Variants in SAMSN1 observed in about 807,000 individuals in gnomAD.
The protein encoded by SAMSN1 is SAM domain-containing protein SAMSN-1.
SAMSN1 carries 31 observed loss-of-function variants against 42.0 expected under a neutral mutation model. The observed-to-expected ratio is 0.74, with a 90% CI of 0.55 to 1.00. The LOEUF (loss-of-function observed/expected upper bound fraction) is 1.00, where lower values mean the gene tolerates loss of function less well. Ranked by LOEUF, SAMSN1 falls within the 50% of genes least tolerant of loss-of-function variation. The probability of loss-of-function intolerance (pLI) is 0.00; values close to 1 mark genes in which losing one functional copy is unlikely to be tolerated. For synonymous variants in SAMSN1, 178 were observed against 151.9 expected, an observed-to-expected ratio of 1.17 and a Z score of -1.26; for missense variants, 464 against 439.4, an observed-to-expected ratio of 1.06 and a Z score of -0.50.
chr21:14,566,322 A>T (rs1981115130), intron 2 of SAMSN1, among the ~76,000 whole-genome samples: 1 of 152,166 alleles, frequency 6.6e-6, no homozygotes, highest in African/African-American at 2.4e-5. Flanking sequence ...TTTTAACATA[A>T]GTATTTCAAA....
intron 2 of SAMSN1, among the ~76,000 whole-genome samples, chr21:14,564,202 C>G (rs973351745): frequency 1.3e-5 from 2 of 152,090 alleles, no homozygotes; most frequent in Non-Finnish European, 2.9e-5. Flanking sequence ...TACATACTGA[C>G]TTGAAGAAGG....
chr21:14,511,499 A>C (rs1987687489), intron 4 of SAMSN1, among the ~76,000 whole-genome samples: 1 of 152,236 alleles, frequency 6.6e-6, no homozygotes, highest in African/African-American at 2.4e-5. Context: ...TTTCTGTGTT[A>C]GCTTTTGTCA....
At chr21:14,627,307 G>A (rs2123355294) in intron 2 of SAMSN1, among the ~76,000 whole-genome samples, 1 of 151,554 alleles carries the variant, frequency 6.6e-6, no homozygotes, top group East Asian at 1.9e-4. Context: ...CACCAGGAGA[G>A]CTTGATAAGA....
chr21:14,592,497 G>A (rs140447750), intron 7 of SAMSN1: 1 of 179,644 alleles, frequency 5.6e-6, no homozygotes, highest in African/African-American at 2.4e-5. Flanking sequence ...GAACTTGAGT[G>A]AGCCACTTCT....
At chr21:14,628,376 T>C (rs1337860588) in intron 2 of SAMSN1, among the ~76,000 whole-genome samples, 4 of 152,078 alleles carry the variant, frequency 2.6e-5, no homozygotes, top group Non-Finnish European at 5.9e-5. Flanking sequence ...GAAATACCAC[T>C]GTATACTCCC....
At chr21:14,517,766 CTCTA>C (rs1449752963) in intron 2 of SAMSN1, among the ~76,000 whole-genome samples, 2 of 152,080 alleles carry the variant, frequency 1.3e-5, no homozygotes, top group Non-Finnish European at 2.9e-5. Context: ...AGCCACAAGA[CTCTA>C]TATGTCATAA....
chr21:14,564,444 C>A (rs541169695), intron 2 of SAMSN1, among the ~76,000 whole-genome samples: 24 of 152,154 alleles, frequency 1.6e-4, no homozygotes, highest in African/African-American at 5.8e-4. Context: ...TTATTGTCTC[C>A]TGTGTTGCAA....
At chr21:14,514,159 C>G (rs1280316756) in intron 3 of SAMSN1, among the ~76,000 whole-genome samples, 5 of 152,156 alleles carry the variant, frequency 3.3e-5, no homozygotes, top group African/African-American at 1.2e-4. Context: ...TCAATCTGAC[C>G]AAAGCTTTCT....
At chr21:14,610,339 T>A (rs1982671706) in intron 4 of SAMSN1, among the ~76,000 whole-genome samples, 1 of 152,182 alleles carries the variant, frequency 6.6e-6, no homozygotes, top group Non-Finnish European at 1.5e-5. Flanking sequence ...CCTAGTCTCC[T>A]GCAGTGCCCC....
intron 1 of SAMSN1, among the ~76,000 whole-genome samples, chr21:14,540,698 G>T (rs992288281): frequency 2.0e-5 from 3 of 152,226 alleles, no homozygotes; most frequent in African/African-American, 7.2e-5. Context: ...CTGTAAACTA[G>T]TTCAACCATT....
At chr21:14,544,532 C>G (rs1980262004) in intron 1 of SAMSN1, among the ~76,000 whole-genome samples, 1 of 152,206 alleles carries the variant, frequency 6.6e-6, no homozygotes, top group African/African-American at 2.4e-5. Context: ...ATTCACATCT[C>G]TTTAAATTCA....
intron 1 of SAMSN1, among the ~76,000 whole-genome samples, chr21:14,530,156 A>C (rs181745671): frequency 4.9e-4 from 75 of 152,096 alleles, no homozygotes; most frequent in African/African-American, 1.8e-3. Flanking sequence ...CCCTACTAAA[A>C]ATACAAAAAA....
intron 1 of SAMSN1, among the ~76,000 whole-genome samples, chr21:14,535,998 C>G (rs144138030): frequency 1.5e-3 from 221 of 152,302 alleles, no homozygotes; most frequent in African/African-American, 5.1e-3. Flanking sequence ...TCTATCTATG[C>G]AAGAATCACT....
chr21:14,634,015 G>T (rs1983399477), intron 2 of SAMSN1, among the ~76,000 whole-genome samples: 1 of 152,002 alleles, frequency 6.6e-6, no homozygotes, highest in Non-Finnish European at 1.5e-5. Flanking sequence ...ATGAGTAAGT[G>T]TATAAAAAAT....
intron 1 of SAMSN1, among the ~76,000 whole-genome samples, chr21:14,526,269 G>A (rs1978850184): frequency 6.6e-6 from 1 of 152,178 alleles, no homozygotes; most frequent in Admixed American, 6.5e-5. Context: ...AAATAAACTT[G>A]CGTTTCCTAA....
intron 1 of SAMSN1, among the ~76,000 whole-genome samples, chr21:14,647,301 T>G (rs938950478): frequency 5.9e-5 from 9 of 151,910 alleles, no homozygotes; most frequent in African/African-American, 1.9e-4. Context: ...GTTGTAGATA[T>G]GCGACATTAT....
At chr21:14,599,392 G>C (rs1254364559) in intron 6 of SAMSN1, among the ~76,000 whole-genome samples, 1 of 152,148 alleles carries the variant, frequency 6.6e-6, no homozygotes, top group African/African-American at 2.4e-5. Flanking sequence ...TGAAGAAGGT[G>C]CCTGCTTCTC....
In SAMSN1 at chr21:14,546,270, C is replaced by G. The variant is rs1338412270; in HGVS notation, c.-9G>C. The G allele has an allele frequency of 1.3e-5, 21 of 1,613,332 alleles. No individual in the cohort carries two copies. The highest frequency in any genetic ancestry group is 1.8e-5 in the Non-Finnish European group (21 of 1,179,682). ...GGCTTTCTCTTGAGCATTTTGAATT[C>G]TGACTACTCCTAGTGAGTGCACTTT... On this transcript the variant is annotated 5_prime_UTR_variant, in exon 1 of 8. Coordinates refer to ENST00000400566, the MANE Select transcript of SAMSN1 (RefSeq NM_022136.5).
In SAMSN1 at chr21:14,607,769, G is replaced by C. The variant is rs566601685; in HGVS notation, c.322+1713C>G. 2.0e-5 allele frequency among the ~76,000 whole-genome samples: 3 copies of C among 152,182 alleles called. No homozygotes were observed. The South Asian group carries it at 6.2e-4, about 32-fold the overall frequency. On this transcript the variant is annotated intron_variant, in intron 5 of 15. Coordinates refer to the SAMSN1 transcript ENST00000647101. The stretch of plus-strand genomic sequence containing the variant: ...AAAACAAAAACATACATAAGAGAAA[G>C]GTAGTTTTAGGAAATAGAATGCTTG...
Sources: gnomAD v4.1 joint callset for allele counts (sites outside exome capture counted in the v4.1 genomes callset) on GRCh38, gnomAD v4.1.1 for gene constraint, MANE v1.5 for transcripts, NCBI Gene and HGNC (gene_info 2026-07-23, HGNC 2026-07-21) for gene names.